The following CDK6 variants were observed in gnomAD, a reference collection of about 807,000 sequenced individuals.
CDK6 encodes cyclin dependent kinase 6, also known as cyclin-dependent kinase 6.
A neutral mutation model predicts 37.1 loss-of-function variants in CDK6; 6 were observed. The ratio of observed to expected loss-of-function variants is 0.16; its 90% CI spans 0.09 to 0.32. The LOEUF (loss-of-function observed/expected upper bound fraction) is 0.32, where lower values mean the gene tolerates loss of function less well. Ranked by LOEUF, CDK6 falls within the 10% of genes least tolerant of loss-of-function variation. The pLI is 1.00. For missense variants in CDK6, 224 were observed against 418.9 expected (o/e 0.53, Z 4.06); for synonymous variants, 160 against 161.3 (o/e 0.99, Z 0.06).
intron 2 of CDK6, among the ~76,000 whole-genome samples, chr7:92,824,877 G>A (rs1801271453): frequency 6.6e-6 from 1 of 152,080 alleles, no homozygotes; most frequent in African/African-American, 2.4e-5. Flanking sequence ...GGATATGGCA[G>A]CCAAGAGACA....
At chr7:92,818,585 A>G (rs1045497446) in intron 2 of CDK6, among the ~76,000 whole-genome samples, 7 of 152,034 alleles carry the variant, frequency 4.6e-5, no homozygotes, top group African/African-American at 1.7e-4. Flanking sequence ...TCAAAGAAAA[A>G]AAAAGATGAA....
chr7:92,707,332 C>G (rs957894879), intron 4 of CDK6, among the ~76,000 whole-genome samples: 4 of 152,124 alleles, frequency 2.6e-5, no homozygotes, highest in African/African-American at 9.7e-5. Flanking sequence ...TGTTAAGTTG[C>G]AAAATAACTT....
intron 3 of CDK6, among the ~76,000 whole-genome samples, chr7:92,772,876 T>C (rs748072202): frequency 3.3e-5 from 5 of 152,174 alleles, no homozygotes; most frequent in Non-Finnish European, 7.3e-5. Context: ...GATAATTTAA[T>C]ATAATGCTCA....
chr7:92,718,067 C>T (rs1043710381), intron 4 of CDK6, among the ~76,000 whole-genome samples: 1 of 152,180 alleles, frequency 6.6e-6, no homozygotes, highest in African/African-American at 2.4e-5. Context: ...CTAAAGAAAA[C>T]GTGTCCTGTT....
chr7:92,803,976 C>T (rs1458461876), intron 2 of CDK6, among the ~76,000 whole-genome samples: 2 of 152,280 alleles, frequency 1.3e-5, no homozygotes. Context: ...ATATTACCTA[C>T]CTTAATTAAT....
chr7:92,650,896 CTT>C (rs113941367), intron 5 of CDK6, among the ~76,000 whole-genome samples: 13 of 145,984 alleles, frequency 8.9e-5, no homozygotes, highest in East Asian at 2.0e-4. Flanking sequence ...AATTCTCTCT[CTT>C]TTTTTTTTTT....
chr7:92,800,662 CT>C (rs1260921759), intron 2 of CDK6, among the ~76,000 whole-genome samples: 1 of 152,204 alleles, frequency 6.6e-6, no homozygotes, highest in Non-Finnish European at 1.5e-5. Flanking sequence ...CAATTAACCT[CT>C]GTTAAACCAA....
intron 5 of CDK6, among the ~76,000 whole-genome samples, chr7:92,657,095 G>A (rs998692523): frequency 2.0e-5 from 3 of 151,484 alleles, no homozygotes; most frequent in African/African-American, 4.9e-5. Context: ...AAATGTGTAT[G>A]TTTTTCTCTT....
intron 2 of CDK6, among the ~76,000 whole-genome samples, chr7:92,785,032 C>T (rs1046546743): frequency 2.2e-4 from 33 of 151,970 alleles, no homozygotes; most frequent in Admixed American, 2.0e-3. Flanking sequence ...ATTTTAGAGA[C>T]GAAGAAATAG....
intron 4 of CDK6, among the ~76,000 whole-genome samples, chr7:92,724,470 C>T (rs1798462086): frequency 6.6e-6 from 1 of 151,990 alleles, no homozygotes; most frequent in Admixed American, 6.6e-5. Flanking sequence ...GGTAGCACCC[C>T]TATTTTGACT....
At chr7:92,759,489 G>A (rs1383281788) in intron 3 of CDK6, among the ~76,000 whole-genome samples, 1 of 151,926 alleles carries the variant, frequency 6.6e-6, no homozygotes, top group Non-Finnish European at 1.5e-5. Flanking sequence ...AAATGATTTG[G>A]TCTGGGATAA....
intron 2 of CDK6, among the ~76,000 whole-genome samples, chr7:92,795,877 T>TCAGTAACCACA: frequency 6.6e-6 from 1 of 152,122 alleles, no homozygotes; most frequent in African/African-American, 2.4e-5. Context: ...TAAGTACATC[T>TCAGTAACCACA]CTGTTAATGT....
At chr7:92,643,179 G>A (rs929310971) in intron 5 of CDK6, among the ~76,000 whole-genome samples, 38 of 152,144 alleles carry the variant, frequency 2.5e-4, no homozygotes, top group Non-Finnish European at 5.4e-4. Context: ...GAGCCACCAC[G>A]CCCGGCCAAA....
chr7:92,672,739 T>C (rs1562931393), intron 4 of CDK6, among the ~76,000 whole-genome samples: 1 of 152,202 alleles, frequency 6.6e-6, no homozygotes, highest in Admixed American at 6.5e-5. Context: ...TTCAGATCCC[T>C]TTTATCCTTA....
intron 5 of CDK6, among the ~76,000 whole-genome samples, chr7:92,637,544 G>A (rs1488220578): frequency 1.5e-4 from 23 of 152,086 alleles, no homozygotes; most frequent in Admixed American, 1.5e-3. Context: ...AAAAAGTGTT[G>A]AGTAAATAAC....
At chr7:92,644,838 G>T (rs1411208662) in intron 5 of CDK6, among the ~76,000 whole-genome samples, 4 of 152,194 alleles carry the variant, frequency 2.6e-5, no homozygotes, top group Non-Finnish European at 5.9e-5. Flanking sequence ...CACAACAACT[G>T]ACCGAAGCTG....
At chr7:92,696,822 C>T (rs189817295) in intron 4 of CDK6, among the ~76,000 whole-genome samples, 501 of 152,286 alleles carry the variant, frequency 3.3e-3, no homozygotes, top group Non-Finnish European at 5.6e-3. Context: ...ACTCCTAACA[C>T]ATTTCCTGTC....
chr7:92,774,889 T>C (rs1288742252), intron 2 of CDK6, 58 bp from the exon 3 acceptor site: 1 of 1,514,554 alleles, frequency 6.6e-7, no homozygotes, highest in African/African-American at 1.4e-5. Context: ...GTAACCTGTA[T>C]GTTTTATACA....
At chr7:92,735,503 T>C (rs1798764166) in intron 3 of CDK6, among the ~76,000 whole-genome samples, 1 of 152,182 alleles carries the variant, frequency 6.6e-6, no homozygotes, top group African/African-American at 2.4e-5. Flanking sequence ...GAATAAATCC[T>C]GCCCTGCCTC....
Sources: allele counts gnomAD v4.1 joint callset (sites outside exome capture counted in the v4.1 genomes callset), GRCh38; gene constraint gnomAD v4.1.1; transcripts MANE v1.5; gene names NCBI Gene and HGNC (gene_info 2026-07-23, HGNC 2026-07-21).